Variants in POLR1C observed in about 807,000 individuals in gnomAD.
POLR1C encodes RNA polymerase I and III subunit C.
Under a neutral mutation model 38.3 loss-of-function variants are expected in POLR1C, and 42 were observed. That is an observed-to-expected ratio of 1.10 (90% confidence interval 0.86 to 1.42). POLR1C has a LOEUF of 1.42. POLR1C is among the 40% of genes most tolerant of loss of function. The probability of loss-of-function intolerance (pLI) is 0.00; values close to 1 mark genes in which losing one functional copy is unlikely to be tolerated. For synonymous variants in POLR1C, 163 were observed against 163.9 expected, an observed-to-expected ratio of 0.99 and a Z score of 0.04; for missense variants, 507 against 450.5, an observed-to-expected ratio of 1.13 and a Z score of -1.14.
At chr6:43,550,118 A>G (rs1039807770) in intron 9 of POLR1C, among the ~76,000 whole-genome samples, 10 of 152,170 alleles carry the variant, frequency 6.6e-5, no homozygotes, top group Admixed American at 3.9e-4. Context: ...TAACCTCTAC[A>G]AGAGTCATCG....
intron 10 of POLR1C, among the ~76,000 whole-genome samples, chr6:43,558,750 C>T (rs372588271): frequency 6.6e-5 from 10 of 152,334 alleles, no homozygotes; most frequent in South Asian, 6.2e-4. Flanking sequence ...CACAGGTCCA[C>T]AGTTTGCTCC....
chr6:43,530,935 G>A (rs7769795), downstream of POLR1C: 116,606 of 1,362,790 alleles, frequency 0.086, 11,318 homozygotes, highest in African/African-American at 0.49. Flanking sequence ...TCAGCCAGAA[G>A]AGCAGTTGTA....
At chr6:43,556,020 G>A in intron 10 of POLR1C, 3 of 1,590,072 alleles carry the variant, frequency 1.9e-6, no homozygotes, top group Non-Finnish European at 2.6e-6. Context: ...TATAAAATAA[G>A]TACTTAATGT....
downstream of POLR1C, chr6:43,531,604 A>G (rs963482541): frequency 5.1e-6 from 8 of 1,582,132 alleles, no homozygotes; most frequent in Non-Finnish European, 6.9e-6. Flanking sequence ...CAAGAACATG[A>G]TGCTCCACTG....
intron 10 of POLR1C, chr6:43,560,970 C>G: frequency 1.9e-6 from 3 of 1,613,872 alleles, no homozygotes; most frequent in Non-Finnish European, 2.5e-6. Context: ...CAGGTATTTT[C>G]CAAAGTTTGA....
chr6:43,539,993 G>A (rs940477749), intron 9 of POLR1C, among the ~76,000 whole-genome samples: 10 of 152,194 alleles, frequency 6.6e-5, no homozygotes, highest in African/African-American at 2.4e-4. Context: ...AGTGGCTCAC[G>A]CCTATAATCC....
chr6:43,519,178 A>G (rs1333917982), intron 2 of POLR1C, 155 bp from the exon 3 acceptor site: 2 of 681,980 alleles, frequency 2.9e-6, no homozygotes, highest in Admixed American at 4.2e-5. Context: ...AACTTAAAAC[A>G]CTGGGCGAGA....
intron 7 of POLR1C, 52 bp downstream of exon 7, chr6:43,520,826 C>G (rs963134845): frequency 1.2e-6 from 2 of 1,609,274 alleles, no homozygotes; most frequent in African/African-American, 1.3e-5. Flanking sequence ...TATTTTCTTT[C>G]AAGGTGACAG....
rs1793086093 is a variant in POLR1C, at chr6:43,520,357, TG to T, written c.586del (p.Asp196IlefsTer58). 6.2e-7 allele frequency: 1 copy of T among 1,613,610 alleles called. No homozygotes were observed. Among genetic ancestry groups the T allele is most frequent in the Non-Finnish European group, 8.5e-7 (1 of 1,179,966 alleles). ...AGGGCACTATCCGACCAGTGCATGA[TG>T]ATATCCTCATCGCTCAGCTGCGGCC... ...PEGTIRPVHD[D>X]ILIAQLRPGQ... is the part of the protein sequence containing the mutation. On this transcript the variant is annotated frameshift_variant, in exon 6 of 9. Transcript: ENST00000642195. LOFTEE classifies it high-confidence loss of function.
chr6:43,551,597 T>A, intron 10 of POLR1C: 1 of 991,222 alleles, frequency 1.0e-6, no homozygotes, highest in Non-Finnish European at 1.5e-6. Context: ...CAATCATCAC[T>A]CACTGTAACC....
exon 9 of POLR1C, chr6:43,529,402 AAATT>A (rs1469949964): frequency 3.2e-5 from 12 of 369,552 alleles, no homozygotes; most frequent in Non-Finnish European, 5.6e-5. Flanking sequence ...AAAAAAAAAA[AAATT>A]AGTCGGGCAT....
chr6:43,547,677 C>T (rs774272076), intron 9 of POLR1C: 25 of 1,613,820 alleles, frequency 1.5e-5, no homozygotes, highest in East Asian at 4.5e-5. Context: ...TACCCACATA[C>T]GCAATGAAAG....
intron 10 of POLR1C, chr6:43,558,796 A>G: frequency 2.1e-6 from 1 of 467,176 alleles, no homozygotes; most frequent in Non-Finnish European, 3.8e-6. Flanking sequence ...AAAAGAGAAT[A>G]CTTTTAGTTG....
At chr6:43,561,877 C>T (rs1353180091) in exon 11 of POLR1C, 1 of 162,154 alleles carries the variant, frequency 6.2e-6, no homozygotes, top group African/African-American at 2.4e-5. Flanking sequence ...TAATACATCC[C>T]TTAGATTGGG....
chr6:43,547,405 T>A (rs775500325), intron 9 of POLR1C: 7 of 658,552 alleles, frequency 1.1e-5, no homozygotes, highest in Admixed American at 2.2e-5. Flanking sequence ...AATGACTTCA[T>A]AGAAAAGACC....
intron 9 of POLR1C, among the ~76,000 whole-genome samples, chr6:43,534,779 C>T (rs1794214367): frequency 6.6e-6 from 1 of 152,122 alleles, no homozygotes; most frequent in African/African-American, 2.4e-5. Flanking sequence ...TGGCGAATTA[C>T]CTGAGGTCAG....
chr6:43,528,057 C>T, intron 8 of POLR1C: 1 of 1,200,942 alleles, frequency 8.3e-7, no homozygotes, highest in Non-Finnish European at 1.2e-6. Flanking sequence ...CAACCTACTG[C>T]TCTTCTACCC....
intron 8 of POLR1C, 28 bp downstream of exon 8, chr6:43,521,076 GCAGTGCTCTT>G: frequency 6.3e-7 from 1 of 1,598,890 alleles, no homozygotes; most frequent in Non-Finnish European, 8.6e-7. Flanking sequence ...AGATGAGTGG[GCAGTGCTCTT>G]TGGTGCTGCA....
At chr6:43,549,437 A>C (rs1266861538) in intron 9 of POLR1C, 1 of 1,525,256 alleles carries the variant, frequency 6.6e-7, no homozygotes, top group Non-Finnish European at 8.8e-7. Flanking sequence ...AGCTGGATTT[A>C]CACACAAATG....
Sources: gnomAD v4.1 joint callset for allele counts (sites outside exome capture counted in the v4.1 genomes callset) on GRCh38, gnomAD v4.1.1 for gene constraint, MANE v1.5 for transcripts, NCBI Gene and HGNC (gene_info 2026-07-23, HGNC 2026-07-21) for gene names.